LYN: variants seen among roughly 807,000 people sequenced by gnomAD.
LYN encodes the protein LYN proto-oncogene, Src family tyrosine kinase.
Under a neutral mutation model 65.0 loss-of-function variants are expected in LYN, and 12 were observed. The observed-to-expected ratio is 0.18, with a 90% CI of 0.12 to 0.30. The LOEUF (loss-of-function observed/expected upper bound fraction) is 0.30, where lower values mean the gene tolerates loss of function less well. Among genes scored for constraint, LYN ranks in the 10% least tolerant of loss-of-function variants. The probability of loss-of-function intolerance (pLI) is 1.00; values close to 1 mark genes in which losing one functional copy is unlikely to be tolerated. For missense variants in LYN, 380 were observed against 623.2 expected (o/e 0.61, Z 4.16); for synonymous variants, 222 against 221.2 (o/e 1.00, Z -0.03).
At chr8:55,912,205 T>A (rs1805656761) in intron 1 of LYN, among the ~76,000 whole-genome samples, 1 of 152,202 alleles carries the variant, frequency 6.6e-6, no homozygotes, top group African/African-American at 2.4e-5. Flanking sequence ...TATTTCACCG[T>A]GTAACACATT....
chr8:55,998,567 C>T, intron 11 of LYN, 68 bp downstream of exon 11: 1 of 1,474,346 alleles, frequency 6.8e-7, no homozygotes, highest in Non-Finnish European at 9.4e-7. Context: ...CTGTTTTTGA[C>T]AAAGCAATTA....
At chr8:55,965,615 A>G (rs1374421647) in intron 8 of LYN, among the ~76,000 whole-genome samples, 2 of 152,218 alleles carry the variant, frequency 1.3e-5, no homozygotes, top group East Asian at 1.9e-4. Context: ...GGAAATAACC[A>G]GCATTTGATA....
chr8:55,885,451 G>A (rs1380858590), intron 1 of LYN, among the ~76,000 whole-genome samples: 5 of 152,204 alleles, frequency 3.3e-5, no homozygotes, highest in African/African-American at 1.2e-4. Context: ...GACCATACTG[G>A]TTGGAAGCTT....
chr8:55,911,098 T>TATATATATATATACACAC (rs1162508957), intron 1 of LYN, among the ~76,000 whole-genome samples: 1 of 11,692 alleles, frequency 8.6e-5, no homozygotes, highest in African/African-American at 3.4e-4. Context: ...TATATATATA[T>TATATATATATATACACAC]ACATACACGT....
chr8:55,894,132 G>A (rs902423257), intron 1 of LYN: 1 of 152,192 alleles, frequency 6.6e-6, no homozygotes, highest in African/African-American at 2.4e-5. Flanking sequence ...CATACCCCAA[G>A]AGATCATGCT....
intron 8 of LYN, among the ~76,000 whole-genome samples, chr8:55,965,190 T>C (rs1039373353): frequency 2.4e-4 from 36 of 152,172 alleles, no homozygotes; most frequent in African/African-American, 6.3e-4. Context: ...CCCAGAAGGG[T>C]GGTGCCTCGG....
chr8:55,956,671 A>G (rs997923345), intron 8 of LYN, among the ~76,000 whole-genome samples: 1 of 152,182 alleles, frequency 6.6e-6, no homozygotes. Context: ...ATAAAGCTCC[A>G]GTCCTTTCTG....
chr8:55,890,754 G>A (rs1466882173), intron 1 of LYN, among the ~76,000 whole-genome samples: 2 of 146,854 alleles, frequency 1.4e-5, no homozygotes. Context: ...TTGAAACAGG[G>A]TTTTACTCTG....
chr8:55,977,789 C>G (rs1160591121), intron 10 of LYN, among the ~76,000 whole-genome samples: 5 of 150,998 alleles, frequency 3.3e-5, no homozygotes, highest in Non-Finnish European at 1.5e-5. Context: ...GCCTGATGGT[C>G]GTGCCTGTAA....
intron 12 of LYN, among the ~76,000 whole-genome samples, chr8:56,006,715 G>C (rs1808682287): frequency 6.6e-6 from 1 of 152,192 alleles, no homozygotes; most frequent in South Asian, 2.1e-4. Flanking sequence ...AGCACTCAGT[G>C]TTTGTTGAAA....
At position 56,011,740 on chromosome 8, in the gene LYN, C is replaced by T. The variant is rs1808823092; in HGVS notation, c.*1630C>T. 5.3e-6 allele frequency: 1 copy of T among 187,946 alleles called. No individual in the cohort carries two copies. The highest frequency in any genetic ancestry group is 1.1e-5 in the Non-Finnish European group (1 of 89,460). 11.6% of individuals were successfully genotyped at this position (187,946 alleles called of 1,614,324 possible). On this transcript the variant is annotated 3_prime_UTR_variant, in exon 13 of 13. Coordinates refer to ENST00000519728, the MANE Select transcript of LYN (RefSeq NM_002350.4). ...TTCCTATGTGATTTTTTTAAATGTC[C>T]TTTCTAAAATATTCTAAAATTATTG...
rs982737966 is a variant in LYN at position 55,968,366 on chromosome 8, C to T, written c.974-1351C>T. 2.0e-5 allele frequency among the ~76,000 whole-genome samples: 3 copies of T among 152,170 alleles called. No individual in the cohort carries two copies. In the East Asian group the frequency reaches 5.8e-4, roughly 29 times the overall value. ...TGCCTCCCAGGTTCCAGTGATTCTCCTGCCTCAGCCTCCCAAGTAGCTGGG... is the reference window on the plus strand; with the variant it reads ...TGCCTCCCAGGTTCCAGTGATTCTCTTGCCTCAGCCTCCCAAGTAGCTGGG... On this transcript the variant is annotated intron_variant, in intron 9 of 12. Transcript: ENST00000519728.
intron 2 of LYN, among the ~76,000 whole-genome samples, chr8:55,944,998 A>G (rs149532747): frequency 5.9e-5 from 9 of 152,308 alleles, no homozygotes; most frequent in African/African-American, 1.2e-4. Context: ...CCCTCCACTC[A>G]TGAGCCAGTT....
intron 1 of LYN, among the ~76,000 whole-genome samples, chr8:55,888,511 AAG>A (rs1304422825): frequency 2.0e-5 from 3 of 152,234 alleles, no homozygotes; most frequent in African/African-American, 7.2e-5. Flanking sequence ...GCCAAGAGCG[AAG>A]ACACGTTGAA....
chr8:55,902,663 T>G, intron 1 of LYN: 1 of 395,566 alleles, frequency 2.5e-6, no homozygotes. Flanking sequence ...TCCTTATTAC[T>G]TAAATGTTAT....
chr8:55,992,104 A>G (rs2130572028), intron 10 of LYN, among the ~76,000 whole-genome samples: 1 of 152,286 alleles, frequency 6.6e-6, no homozygotes, highest in East Asian at 1.9e-4. Flanking sequence ...GACAGTTTAA[A>G]TTAGTTCTTT....
intron 10 of LYN, among the ~76,000 whole-genome samples, chr8:55,976,401 G>A (rs1225199687): frequency 6.6e-6 from 1 of 152,114 alleles, no homozygotes; most frequent in Non-Finnish European, 1.5e-5. Flanking sequence ...GGGAGCAGTG[G>A]AGAGTAAATT....
intron 1 of LYN, among the ~76,000 whole-genome samples, chr8:55,884,087 G>A (rs1434343874): frequency 1.3e-5 from 2 of 152,134 alleles, no homozygotes; most frequent in Non-Finnish European, 2.9e-5. Context: ...TGAGATTTTT[G>A]TTGTTGTTGT....
chr8:55,979,224 G>A (rs1461009144), intron 10 of LYN, among the ~76,000 whole-genome samples: 1 of 151,916 alleles, frequency 6.6e-6, no homozygotes, highest in Non-Finnish European at 1.5e-5. Flanking sequence ...TGTATTATTA[G>A]TAGAGTTGGG....
Sources: gnomAD v4.1 joint callset for allele counts (sites outside exome capture counted in the v4.1 genomes callset) on GRCh38, gnomAD v4.1.1 for gene constraint, MANE v1.5 for transcripts, NCBI Gene and HGNC (gene_info 2026-07-23, HGNC 2026-07-21) for gene names.